Variants in GALC observed in about 807,000 individuals in gnomAD.
The protein encoded by GALC is galactosylceramidase.
In GALC, 77 loss-of-function variants were observed where a neutral mutation model predicts 91.8. That is an observed-to-expected ratio of 0.84 (90% CI 0.70 to 1.01). The LOEUF is 1.01. Among genes scored for constraint, GALC ranks in the 50% least tolerant of loss-of-function variants. The probability of loss-of-function intolerance (pLI) is 0.00; values close to 1 mark genes in which losing one functional copy is unlikely to be tolerated. For synonymous variants in GALC, 357 were observed against 306.7 expected (o/e 1.16, Z -1.71); for missense variants, 882 against 855.9 (o/e 1.03, Z -0.38).
chr14:87,975,250 G>A (rs1886446563), intron 7 of GALC, among the ~76,000 whole-genome samples: 1 of 152,056 alleles, frequency 6.6e-6, no homozygotes, highest in East Asian at 1.9e-4. Flanking sequence ...AAGTTTGTAA[G>A]ACAAACAACC....
chr14:87,965,863 A>G (rs900078297), intron 8 of GALC, among the ~76,000 whole-genome samples: 3 of 152,176 alleles, frequency 2.0e-5, no homozygotes, highest in Non-Finnish European at 4.4e-5. Context: ...AAAAAATACA[A>G]ATGTATTATG....
rs771922463 is a variant in GALC, at chr14:87,947,723, C to T, written c.1489+5G>A. The T allele has an allele frequency of 1.2e-6, 2 of 1,612,152 alleles. No individual in the cohort carries two copies. Among genetic ancestry groups the T allele is most frequent in the East Asian group, 2.2e-5 (1 of 44,832 alleles). On this transcript the variant is annotated splice_donor_5th_base_variant and intron_variant, in intron 13 of 16. Transcript: ENST00000261304. Reference sequence around the variant, plus strand: ...CCAAGTTAAGTTTTAGTGAAAAATACTCACCAACATTGAAATCATCCTTAT... The same window carrying T: ...CCAAGTTAAGTTTTAGTGAAAAATATTCACCAACATTGAAATCATCCTTAT...
At chr14:87,959,031 CAA>C (rs1393532104) in intron 10 of GALC, among the ~76,000 whole-genome samples, 2 of 151,834 alleles carry the variant, frequency 1.3e-5, no homozygotes, top group Admixed American at 6.6e-5. Context: ...GCAAAAGAAA[CAA>C]AGTAAAACAG....
chr14:87,964,084 C>T (rs1239693330), intron 9 of GALC, among the ~76,000 whole-genome samples: 1 of 152,056 alleles, frequency 6.6e-6, no homozygotes, highest in African/African-American at 2.4e-5. Flanking sequence ...CAAGTCTAAC[C>T]TTAATTTTCT....
In GALC at chr14:87,978,076, G is replaced by C. The variant is rs1320989155; in HGVS notation, c.622-1588C>G. Among the ~76,000 whole-genome samples the C allele has an allele frequency of 2.6e-5, 4 of 152,264 alleles. No homozygotes were observed. In the East Asian group the frequency reaches 7.7e-4, roughly 29 times the overall value. The stretch of plus-strand genomic sequence containing the variant: ...GAAGTTCTTCCTTTTCTTTGAGACG[G>C]AGTTTCGCTCTTGTTGCCCAGGCTG... On this transcript the variant is annotated intron_variant, in intron 6 of 16. Coordinates refer to ENST00000261304, the MANE Select transcript of GALC (RefSeq NM_000153.4).
At chr14:87,992,150 C>T (rs1340205525) in intron 1 of GALC, among the ~76,000 whole-genome samples, 2 of 152,208 alleles carry the variant, frequency 1.3e-5, no homozygotes, top group Non-Finnish European at 2.9e-5. Flanking sequence ...GTCATCCTTG[C>T]AGCAGGCATT....
intron 10 of GALC, chr14:87,959,545 C>T (rs1053870774): frequency 6.6e-6 from 1 of 151,796 alleles, no homozygotes; most frequent in East Asian, 1.9e-4. Context: ...CACGGTGAAA[C>T]CCCGTCTCTA....
At position 87,992,973 on chromosome 14, in the gene GALC, G is replaced by T; in HGVS notation, c.192C>A (p.Gly64=). ...EFDGIGAVSG[G]GATSRLLVNY... ...ATCCCCGCAGCTTGCCGCTCACCCC[G>T]CCGCCGCTGACCGCGCCGATGCCGT... The change falls in exon 1 of 17, where the codon GGC becomes GGA. Residue 64 remains glycine, a synonymous_variant. Coordinates refer to ENST00000261304, the MANE Select transcript of GALC (RefSeq NM_000153.4). 1.3e-6 allele frequency: 2 copies of T among 1,520,768 alleles called. No homozygotes were observed. The highest frequency in any genetic ancestry group is 1.2e-5 in the South Asian group (1 of 82,132). The allele number at this position is 1,520,768 out of a possible 1,614,324, so 94.2% of individuals were successfully genotyped here.
At chr14:87,987,201 T>C in intron 3 of GALC, 1 of 341,392 alleles carries the variant, frequency 2.9e-6, no homozygotes, top group Non-Finnish European at 5.6e-6. Context: ...ATCAAAGTCC[T>C]CGTATATTCC....
intron 16 of GALC, among the ~76,000 whole-genome samples, chr14:87,936,910 A>T (rs1227821963): frequency 7.2e-6 from 1 of 138,874 alleles, no homozygotes; most frequent in African/African-American, 2.8e-5. Context: ...ATATATATAT[A>T]TATTTATTTA....
chr14:87,945,109 C>T (rs1451855519), intron 14 of GALC, among the ~76,000 whole-genome samples: 1 of 99,416 alleles, frequency 1.0e-5, no homozygotes, highest in Non-Finnish European at 2.1e-5. Flanking sequence ...TTTACTATTG[C>T]CATCTACTGT....
Position 87,968,414 on chromosome 14 carries a change from T to C in GALC, c.829A>G (p.Ser277Gly). 6.2e-7 allele frequency: 1 copy of C among 1,613,866 alleles called. No homozygotes were observed. The highest frequency in any genetic ancestry group is 8.5e-7 in the Non-Finnish European group (1 of 1,179,816). The change falls in exon 8 of 17, where the codon AGC becomes GGC. Residue 277 changes from serine to glycine, a missense_variant. Ser to Gly is a moderately conservative substitution (Grantham distance 56). Coordinates refer to ENST00000261304, the MANE Select transcript of GALC (RefSeq NM_000153.4). ...GCACCCATGTCACTATTTAAAGTGCTAAAGTCTTCAGAAGACCAAAGCTTC... is the reference window on the plus strand; with the variant it reads ...GCACCCATGTCACTATTTAAAGTGCCAAAGTCTTCAGAAGACCAAAGCTTC... ...GKKLWSSEDFSTLNSDMGAGC... is the reference protein window; with the variant it reads ...GKKLWSSEDFGTLNSDMGAGC...
chr14:87,978,574 G>A (rs369776382), intron 6 of GALC, among the ~76,000 whole-genome samples: 8 of 152,244 alleles, frequency 5.3e-5, no homozygotes, highest in African/African-American at 1.4e-4. Context: ...CTTTTGAGCA[G>A]TTTTATCTAA....
intron 14 of GALC, 124 bp downstream of exon 14, chr14:87,945,429 A>T: frequency 1.3e-6 from 1 of 781,090 alleles, no homozygotes; most frequent in Non-Finnish European, 2.3e-6. Flanking sequence ...CCTTAATATT[A>T]CATATTACAC....
At chr14:87,976,126 A>G (rs913632905) in intron 7 of GALC, among the ~76,000 whole-genome samples, 4 of 152,222 alleles carry the variant, frequency 2.6e-5, no homozygotes, top group African/African-American at 9.6e-5. Context: ...TATTATTCCA[A>G]ACATCAACAT....
In GALC at chr14:87,985,149, T is replaced by C. The variant is rs114697287; in HGVS notation, c.443-616A>G. Among the ~76,000 whole-genome samples the C allele has an allele frequency of 3.8e-3, 582 of 152,282 alleles. 3 individuals are homozygous for C. The highest frequency in any genetic ancestry group is 0.013 in the African/African-American group (541 of 41,558). Reference sequence around the variant, plus strand: ...GTCCATATTCTTCCAATAATCCTGATTATGTTTAAGTAAAAAAATAAGAAG... The same window carrying C: ...GTCCATATTCTTCCAATAATCCTGACTATGTTTAAGTAAAAAAATAAGAAG... On this transcript the variant is annotated intron_variant, in intron 4 of 16. Transcript: ENST00000261304.
In GALC at chr14:87,988,502, T is replaced by C; in HGVS notation, c.217A>G (p.Asn73Asp). The change falls in exon 2 of 17, where the codon AAT becomes GAT. Residue 73 changes from asparagine to aspartate, a missense_variant. Physicochemically the swap from Asn to Asp is conservative, Grantham distance 23. Coordinates refer to ENST00000261304, the MANE Select transcript of GALC (RefSeq NM_000153.4). The stretch of plus-strand genomic sequence containing the variant: ...TGAGAACGATAGGGCTCTGGGTAAT[T>C]TACTAGAAGTCGGGAGGTTGCCTAA... ...GGGATSRLLVNYPEPYRSQIL... is the reference protein window; with the variant it reads ...GGGATSRLLVDYPEPYRSQIL... 1 of 1,612,284 alleles carries C rather than the reference T, an allele frequency of 6.2e-7. No homozygotes were observed. Among genetic ancestry groups the C allele is most frequent in the Non-Finnish European group, 8.5e-7 (1 of 1,178,358 alleles).
In GALC at chr14:87,933,916, C is replaced by G; in HGVS notation, c.*816G>C. 7.3e-7 allele frequency: 1 copy of G among 1,362,418 alleles called. No individual in the cohort carries two copies. Among genetic ancestry groups the G allele is most frequent in the South Asian group, 1.2e-5 (1 of 80,476 alleles). 84.4% of individuals were successfully genotyped at this position (1,362,418 alleles called of 1,614,324 possible). A position where few individuals can be genotyped will look rare whatever the true frequency, so the allele number is the denominator to read the frequency against. On this transcript the variant is annotated 3_prime_UTR_variant, in exon 17 of 17. Transcript: ENST00000261304. ...TCTGTTACCAGTGCACATGTGAGGA[C>G]AGACCACAGCACAGTGAGATGAGGC... is the stretch of plus-strand genomic sequence containing the variant.
chr14:87,946,455 A>G (rs575737362), intron 13 of GALC, among the ~76,000 whole-genome samples: 1 of 152,106 alleles, frequency 6.6e-6, no homozygotes, highest in East Asian at 1.9e-4. Context: ...TCATTACCTC[A>G]TTTGAGACAT....
Sources: allele counts gnomAD v4.1 joint callset (sites outside exome capture counted in the v4.1 genomes callset), GRCh38; gene constraint gnomAD v4.1.1; transcripts MANE v1.5; gene names NCBI Gene and HGNC (gene_info 2026-07-23, HGNC 2026-07-21).